Variants in FAM135A observed in about 807,000 individuals in gnomAD.
The protein encoded by FAM135A is family with sequence similarity 135 member A, also known as protein FAM135A.
Under a neutral mutation model 146.8 loss-of-function variants are expected in FAM135A, and 79 were observed. The observed-to-expected ratio is 0.54, with a 90% CI of 0.45 to 0.65. The LOEUF is 0.65. Among genes scored for constraint, FAM135A ranks in the 30% least tolerant of loss-of-function variants. FAM135A has a pLI of 0.00. For missense variants in FAM135A, 1,623 were observed against 1,758.2 expected (o/e 0.92, Z 1.38); for synonymous variants, 562 against 603.6 (o/e 0.93, Z 1.01).
intron 18 of FAM135A, among the ~76,000 whole-genome samples, chr6:70,535,644 G>C (rs868651689): frequency 1.3e-5 from 2 of 152,114 alleles, no homozygotes; most frequent in Admixed American, 6.6e-5. Context: ...ACCAGTCCCT[G>C]GTGCCAAAAA....
At chr6:70,416,085 T>C (rs1767487743) in intron 2 of FAM135A, among the ~76,000 whole-genome samples, 1 of 152,196 alleles carries the variant, frequency 6.6e-6, no homozygotes, top group Non-Finnish European at 1.5e-5. Context: ...TGGTGAACTG[T>C]GGACTAGCAC....
At chr6:70,491,129 TTC>T (rs1263031100) in intron 11 of FAM135A, 46 bp downstream of exon 11, 1 of 1,414,406 alleles carries the variant, frequency 7.1e-7, no homozygotes, top group Non-Finnish European at 9.8e-7. Flanking sequence ...TTTGAGTGGT[TTC>T]TGTTTCCTAT....
Position 70,481,010 on chromosome 6 carries a change from A to G in FAM135A, c.652A>G (p.Lys218Glu). The change falls in exon 9 of 22, where the codon AAA becomes GAA. Residue 218 changes from lysine to glutamate, a missense_variant. Transcript: ENST00000418814. Reference sequence around the variant, plus strand: ...TGTGGTCTTTGGTATTAACTACACAAAACAGTTATCACCAGATGTAAGAAC... The same window carrying G: ...TGTGGTCTTTGGTATTAACTACACAGAACAGTTATCACCAGATGTAAGAAC... Reference protein sequence around the residue: ...ESVVFGINYTKQLSPDGCSFI... With the variant: ...ESVVFGINYTEQLSPDGCSFI... 1 of 1,606,736 alleles carries G rather than the reference A, an allele frequency of 6.2e-7. No homozygotes were observed. The highest frequency in any genetic ancestry group is 8.5e-7 in the Non-Finnish European group (1 of 1,177,052).
At chr6:70,439,779 G>A (rs1257400731) in intron 4 of FAM135A, among the ~76,000 whole-genome samples, 1 of 152,072 alleles carries the variant, frequency 6.6e-6, no homozygotes, top group Non-Finnish European at 1.5e-5. Context: ...ACCAATCTAG[G>A]ACTAACTTTT....
chr6:70,468,373 A>G (rs1051814841), intron 5 of FAM135A, among the ~76,000 whole-genome samples: 1 of 152,214 alleles, frequency 6.6e-6, no homozygotes, highest in African/African-American at 2.4e-5. Flanking sequence ...AAAGTTACAT[A>G]GGTTTTCTTA....
intron 4 of FAM135A, among the ~76,000 whole-genome samples, chr6:70,447,634 C>T (rs1017201316): frequency 1.3e-5 from 2 of 152,186 alleles, no homozygotes; most frequent in East Asian, 3.9e-4. Context: ...CTGGAAATGC[C>T]CTGGTTTGGA....
chr6:70,542,391 G>GT (rs1798104952), intron 20 of FAM135A, among the ~76,000 whole-genome samples: 1 of 151,444 alleles, frequency 6.6e-6, no homozygotes, highest in African/African-American at 2.4e-5. Context: ...CATGTGTTTT[G>GT]TACCTCCTCA....
chr6:70,548,109 C>G (rs1330464269), intron 20 of FAM135A, among the ~76,000 whole-genome samples: 1 of 152,260 alleles, frequency 6.6e-6, no homozygotes, highest in East Asian at 1.9e-4. Flanking sequence ...TGCTGTAATT[C>G]CTACCAGCAC....
At chr6:70,443,085 A>G (rs1328514866) in intron 4 of FAM135A, among the ~76,000 whole-genome samples, 1 of 152,196 alleles carries the variant, frequency 6.6e-6, no homozygotes, top group Non-Finnish European at 1.5e-5. Flanking sequence ...GCAAAGGGTA[A>G]ATGACACTTG....
chr6:70,450,745 T>G (rs1415177296), intron 4 of FAM135A, among the ~76,000 whole-genome samples: 2 of 92,472 alleles, frequency 2.2e-5, no homozygotes, highest in African/African-American at 9.9e-5. Flanking sequence ...TTTTTTTTTT[T>G]TTTTTTTTTT....
rs1801649708 is a variant in FAM135A at position 70,560,017 on chromosome 6, A to T, written c.*96A>T. On this transcript the variant is annotated 3_prime_UTR_variant, in exon 22 of 22. Transcript: ENST00000418814. ...ATGTAGATGCTGATAAGTTCTAAGA[A>T]ATATTTATACCTTTTTATATGGAAG... 1 of 953,416 alleles carries T rather than the reference A, an allele frequency of 1.0e-6. No homozygotes were observed. The highest frequency in any genetic ancestry group is 1.7e-5 in the African/African-American group (1 of 60,232). 59.1% of individuals were successfully genotyped at this position (953,416 alleles called of 1,614,324 possible).
At chr6:70,515,061 G>C (rs890432877) in intron 12 of FAM135A, among the ~76,000 whole-genome samples, 2 of 152,086 alleles carry the variant, frequency 1.3e-5, no homozygotes, top group African/African-American at 4.8e-5. Context: ...ATCAAAACAA[G>C]ATAACCACCG....
At chr6:70,432,405 T>C (rs140904598) in intron 4 of FAM135A, among the ~76,000 whole-genome samples, 35 of 152,262 alleles carry the variant, frequency 2.3e-4, no homozygotes, top group Admixed American at 2.0e-3. Context: ...AAATAACTTA[T>C]AGAAGAGCAA....
chr6:70,540,318 C>CTTTTTTTTTT (rs1190614826), intron 20 of FAM135A, among the ~76,000 whole-genome samples: 11 of 81,550 alleles, frequency 1.3e-4, no homozygotes, highest in African/African-American at 4.8e-4. Context: ...ATTCCTGCTA[C>CTTTTTTTTTT]TTTTTTTTTT....
intron 5 of FAM135A, among the ~76,000 whole-genome samples, chr6:70,473,004 T>C (rs1220298823): frequency 6.6e-6 from 1 of 152,190 alleles, no homozygotes; most frequent in Non-Finnish European, 1.5e-5. Context: ...GCAATTAATG[T>C]CTCTTGTTTC....
chr6:70,522,919 T>C (rs1240267807), intron 13 of FAM135A, among the ~76,000 whole-genome samples: 2 of 152,204 alleles, frequency 1.3e-5, no homozygotes, highest in South Asian at 2.1e-4. Context: ...GAATTTCTTA[T>C]GTTCATCCTT....
At chr6:70,427,625 G>A (rs984125971) in intron 3 of FAM135A, among the ~76,000 whole-genome samples, 2 of 151,438 alleles carry the variant, frequency 1.3e-5, no homozygotes, top group Non-Finnish European at 2.9e-5. Flanking sequence ...ATGATAAAAT[G>A]TACATGTGGT....
intron 20 of FAM135A, among the ~76,000 whole-genome samples, chr6:70,554,195 C>T (rs1800386265): frequency 6.6e-6 from 1 of 152,070 alleles, no homozygotes; most frequent in Admixed American, 6.6e-5. Flanking sequence ...TGTTTTCTCT[C>T]CTAAAATTAC....
chr6:70,525,110 C>G lies in FAM135A; in HGVS notation c.2026C>G (p.Leu676Val). 6.4e-7 allele frequency: 1 copy of G among 1,565,558 alleles called. No individual in the cohort carries two copies. The highest frequency in any genetic ancestry group is 8.6e-7 in the Non-Finnish European group (1 of 1,161,824). The change falls in exon 15 of 22, where the codon CTA becomes GTA. Residue 676 changes from leucine (L) to valine (V), a missense_variant. Physicochemically the swap from Leu to Val is conservative, Grantham distance 32. This residue lies in a region of FAM135A where 1,061 missense variants were observed against 1,113.8 expected (regional missense o/e 0.95). Transcript: ENST00000418814. ...PFSGENITVK[L>V]GPWTELRQEE... The stretch of plus-strand genomic sequence containing the variant: ...CAGTGGAGAGAATATAACTGTCAAA[C>G]TAGGACCTTGGACAGAGCTTCGACA...
Sources: gnomAD v4.1 joint callset for allele counts (sites outside exome capture counted in the v4.1 genomes callset) on GRCh38, gnomAD v4.1.1 for gene constraint, gnomAD v4.1.1 regional missense constraint, MANE v1.5 for transcripts, NCBI Gene and HGNC (gene_info 2026-07-23, HGNC 2026-07-21) for gene names.